The following EVC variants were observed in gnomAD, a reference collection of about 807,000 sequenced individuals.
EVC encodes the protein EvC ciliary complex subunit 1, also known as evC complex member EVC.
Under a neutral mutation model 118.9 loss-of-function variants are expected in EVC, and 116 were observed. That is an observed-to-expected ratio of 0.98 (90% confidence interval 0.84 to 1.14). The LOEUF (loss-of-function observed/expected upper bound fraction) is 1.14, where lower values mean the gene tolerates loss of function less well. EVC is among the 50% of genes most tolerant of loss of function. The probability of loss-of-function intolerance (pLI) is 0.00; values close to 1 mark genes in which losing one functional copy is unlikely to be tolerated. For missense variants in EVC, 1,401 were observed against 1,246.4 expected, an observed-to-expected ratio of 1.12 and a Z score of -1.87; for synonymous variants, 619 against 534.7, an observed-to-expected ratio of 1.16 and a Z score of -2.18.
intron 11 of EVC, among the ~76,000 whole-genome samples, chr4:5,768,467 G>A (rs1005495472): frequency 1.3e-5 from 2 of 152,084 alleles, no homozygotes; most frequent in African/African-American, 4.8e-5. Flanking sequence ...CTATGTTAAA[G>A]TAGACCTAAT....
At chr4:5,819,003 A>G (rs543137330), downstream of EVC, among the ~76,000 whole-genome samples, 2 of 152,298 alleles carry the variant, frequency 1.3e-5, no homozygotes, top group Non-Finnish European at 2.9e-5. Flanking sequence ...AGAAGGGTCA[A>G]TCACCTGACT....
At chr4:5,814,652 C>G (rs1010303199), downstream of EVC, among the ~76,000 whole-genome samples, 2 of 152,180 alleles carry the variant, frequency 1.3e-5, no homozygotes, top group African/African-American at 4.8e-5. Flanking sequence ...GATGCCCTTC[C>G]CCTTCACTCT....
intron 8 of EVC, among the ~76,000 whole-genome samples, chr4:5,750,110 C>T (rs555896131): frequency 5.3e-5 from 8 of 152,210 alleles, no homozygotes; most frequent in Admixed American, 2.0e-4. Context: ...ATTCACAGCA[C>T]GCAGATAAGG....
chr4:5,804,705 G>T (rs539429595), intron 16 of EVC, 25 bp from the exon 17 acceptor site: 28 of 1,607,412 alleles, frequency 1.7e-5, no homozygotes, highest in Non-Finnish European at 2.2e-5. Context: ...CAGACCCCTT[G>T]ATTGTCCTGT....
At chr4:5,794,392 T>A (rs963202797) in intron 13 of EVC, among the ~76,000 whole-genome samples, 99 of 136,694 alleles carry the variant, frequency 7.2e-4, no homozygotes, top group Middle Eastern at 3.7e-3. Context: ...TATATATTTT[T>A]TATATATATA....
chr4:5,775,442 C>A (rs1378782688), intron 11 of EVC, among the ~76,000 whole-genome samples: 1 of 152,112 alleles, frequency 6.6e-6, no homozygotes, highest in African/African-American at 2.4e-5. Context: ...GAAATCAGAT[C>A]CCTAGTTTGA....
intron 11 of EVC, among the ~76,000 whole-genome samples, chr4:5,768,884 C>T (rs1441960759): frequency 6.6e-6 from 1 of 151,994 alleles, no homozygotes; most frequent in Non-Finnish European, 1.5e-5. Flanking sequence ...TCTCATTCAT[C>T]ATCATTCACC....
intron 8 of EVC, among the ~76,000 whole-genome samples, chr4:5,748,565 TATCC>T (rs202244004): frequency 1.1e-5 from 1 of 90,618 alleles, no homozygotes; most frequent in Admixed American, 1.0e-4. Flanking sequence ...CCCACCCATT[TATCC>T]ATCCATCCAT....
chr4:5,800,589 A>G (rs1714791604), intron 15 of EVC, among the ~76,000 whole-genome samples: 1 of 152,136 alleles, frequency 6.6e-6, no homozygotes, highest in South Asian at 2.1e-4. Flanking sequence ...TTACTGTGGC[A>G]GGAAGGCAGG....
intron 14 of EVC, among the ~76,000 whole-genome samples, chr4:5,797,560 C>T (rs1359848245): frequency 2.6e-5 from 4 of 152,186 alleles, no homozygotes; most frequent in African/African-American, 9.7e-5. Context: ...TGTCCCATCT[C>T]TTATAAGGAC....
At chr4:5,807,041 T>C (rs1427640951) in intron 17 of EVC, among the ~76,000 whole-genome samples, 1 of 152,128 alleles carries the variant, frequency 6.6e-6, no homozygotes, top group Admixed American at 6.5e-5. Context: ...CTCGGCCTCC[T>C]TTAAGGTGTG....
chr4:5,816,087 C>T (rs916671288), downstream of EVC, among the ~76,000 whole-genome samples: 14 of 152,060 alleles, frequency 9.2e-5, no homozygotes, highest in Non-Finnish European at 1.5e-4. Context: ...ACATTCTTAG[C>T]CCCATCCCAG....
At position 5,801,930 on chromosome 4, in the gene EVC, TC is replaced by T. The variant is rs1487985258; in HGVS notation, c.2305-18del. ...ACGTGTGACTTCTCTGCTGTCCCTG[TC>T]CTTCCTTTCTTCCCTCAGAGGACAC... On this transcript the variant is annotated intron_variant, in intron 15 of 20. Transcript: ENST00000264956. 6.2e-7 allele frequency: 1 copy of T among 1,611,994 alleles called. No individual in the cohort carries two copies. Among genetic ancestry groups the T allele is most frequent in the East Asian group, 2.2e-5 (1 of 44,858 alleles).
In EVC at chr4:5,801,980, G is replaced by T. The variant is rs376396220; in HGVS notation, c.2335G>T (p.Val779Phe). Residue 779 changes from valine (V) to phenylalanine (F), a missense_variant, in exon 16 of 21, where the codon GTC (valine) becomes TTC (phenylalanine). Transcript: ENST00000264956. ...ACTGATGGAGGCGGCAGTGGAGAGC[G>T]TCTACGTGACCAGCGCTGGTGTCAG... ...RTLMEAAVES[V>F]YVTSAGVSRL... The T allele has an allele frequency of 4.3e-6, 7 of 1,613,854 alleles. No individual in the cohort carries two copies. The highest frequency in any genetic ancestry group is 5.9e-6 in the Non-Finnish European group (7 of 1,180,016).
rs528580724 is a variant in EVC at position 5,786,700 on chromosome 4, C to T, written c.1776+2936C>T. On this transcript the variant is annotated intron_variant, in intron 12 of 20. Coordinates refer to ENST00000264956, the MANE Select transcript of EVC (RefSeq NM_153717.3). Reference sequence around the variant, plus strand: ...CATCCTGGCTAACATGGTGAAACCCCGTCTCTACTAAAAATACAAAAATTA... The same window carrying T: ...CATCCTGGCTAACATGGTGAAACCCTGTCTCTACTAAAAATACAAAAATTA... Among the ~76,000 whole-genome samples the T allele has an allele frequency of 7.2e-5, 11 of 152,120 alleles. No individual in the cohort carries two copies. The East Asian group carries it at 1.2e-3, about 16-fold the overall frequency.
chr4:5,759,634 T>C lies in EVC; in HGVS notation c.1563+3272T>C, dbSNP rs535141709. ...CAGAATGTCATCAAGATTAAGGAAA[T>C]TGAGGTACAGGTTAGATCACTTGCT... On this transcript the variant is annotated intron_variant, in intron 11 of 20. Transcript: ENST00000264956. Among the ~76,000 whole-genome samples the C allele has an allele frequency of 4.6e-5, 7 of 152,280 alleles. No homozygotes were observed. The East Asian group carries it at 1.4e-3, about 29-fold the overall frequency.
chr4:5,733,499 G>C, intron 5 of EVC, 64 bp downstream of exon 5: 2 of 1,352,170 alleles, frequency 1.5e-6, no homozygotes, highest in Non-Finnish European at 2.1e-6. Flanking sequence ...CAAGGACTCT[G>C]TGTGCAGTGA....
At chr4:5,758,100 G>C in intron 11 of EVC, 1 of 702,474 alleles carries the variant, frequency 1.4e-6, no homozygotes, top group Non-Finnish European at 2.6e-6. Flanking sequence ...AGAAGACATA[G>C]AGACACAGGG....
chr4:5,737,792 T>C lies in EVC; in HGVS notation c.703-3924T>C, dbSNP rs1378685322. ...ACCCCTGGTCACCCGAGAGCTCTGATGAAGATGTACAAGGAAGTTAATGTC... is the reference window on the plus strand; with the variant it reads ...ACCCCTGGTCACCCGAGAGCTCTGACGAAGATGTACAAGGAAGTTAATGTC... On this transcript the variant is annotated intron_variant, in intron 5 of 20. Transcript: ENST00000264956. This position sits in a 1 kb window ranked among gnomAD's most constrained non-coding sequence, Gnocchi z 5.0. 2.6e-5 allele frequency among the ~76,000 whole-genome samples: 4 copies of C among 152,230 alleles called. No individual in the cohort carries two copies. The highest frequency in any genetic ancestry group is 9.6e-5 in the African/African-American group (4 of 41,452).
Sources: gnomAD v4.1 joint callset for allele counts (sites outside exome capture counted in the v4.1 genomes callset) on GRCh38, gnomAD v4.1.1 for gene constraint, Gnocchi (gnomAD v3.1) non-coding constraint, MANE v1.5 for transcripts, NCBI Gene and HGNC (gene_info 2026-07-23, HGNC 2026-07-21) for gene names.